HDDC3: variants seen among roughly 807,000 people sequenced by gnomAD.
HDDC3 encodes guanosine-3',5'-bis(diphosphate) 3'-pyrophosphohydrolase MESH1.
HDDC3 carries 18 observed loss-of-function variants against 19.1 expected under a neutral mutation model. The observed-to-expected ratio is 0.94, with a 90% CI of 0.65 to 1.40. The LOEUF is 1.40. HDDC3 is among the 40% of genes most tolerant of loss of function. The pLI is 0.00. For synonymous variants in HDDC3, 107 were observed against 99.4 expected (o/e 1.08, Z -0.46); for missense variants, 250 against 228.9 (o/e 1.09, Z -0.59).
In HDDC3 at chr15:90,930,154, TC is replaced by T. The variant is rs1442365202; in HGVS notation, c.*1120del. 6.6e-6 allele frequency: 1 copy of T among 151,910 alleles called. No individual in the cohort carries two copies. Among genetic ancestry groups the T allele is most frequent in the Non-Finnish European group, 1.5e-5 (1 of 67,968 alleles). 9.4% of individuals were successfully genotyped at this position (151,910 alleles called of 1,614,324 possible). ...CGGGGTCGGACAGCCCCGGGCCACT[TC>T]CGGGCCTTCCCGGAAGTCCCTGTCA... On this transcript the variant is annotated 3_prime_UTR_variant, in exon 4 of 4. Coordinates refer to ENST00000394272, the MANE Select transcript of HDDC3 (RefSeq NM_001286451.2).
At position 90,931,780 on chromosome 15, in the gene HDDC3, A is replaced by T. The variant is rs772475217; in HGVS notation, c.333T>A (p.Ser111Arg). The T allele has an allele frequency of 1.9e-6, 3 of 1,613,988 alleles. No individual in the cohort carries two copies. Among genetic ancestry groups the T allele is most frequent in the African/African-American group, 2.7e-5 (2 of 74,898 alleles). ...KRLQVEQAPH[S>R]SPGAKLVKLA... ...GCTTCACCAGTTTGGCCCCGGGGCT[A>T]CTGTGGGGCGCTTGCTCCACCTGCA... Residue 111 changes from serine to arginine, a missense_variant, in exon 3 of 4, where the codon AGT becomes AGA. By Grantham distance (110) the Ser-to-Arg change is moderately radical. Transcript: ENST00000394272.
In HDDC3 at chr15:90,931,220, C is replaced by A; in HGVS notation, c.*55G>T. The A allele has an allele frequency of 6.5e-7, 1 of 1,542,322 alleles. No homozygotes were observed. Among genetic ancestry groups the A allele is most frequent in the East Asian group, 2.5e-5 (1 of 40,780 alleles). On this transcript the variant is annotated 3_prime_UTR_variant, in exon 4 of 4. Transcript: ENST00000394272. ...GACACAGAAAAGATGGCGTATGAAT[C>A]CTGTCCGGCCTGAACGAGGCTGGAG... is the stretch of plus-strand genomic sequence containing the variant.
In HDDC3 at chr15:90,931,712, G is replaced by A. The variant is rs771591823; in HGVS notation, c.401C>T (p.Thr134Ile). The change falls in exon 3 of 4, where the codon ACC (threonine) becomes ATC (isoleucine). Residue 134 changes from threonine (T) to isoleucine (I), a missense_variant. Physicochemically the swap from Thr to Ile is moderately conservative, Grantham distance 89. Coordinates refer to ENST00000394272, the MANE Select transcript of HDDC3 (RefSeq NM_001286451.2). ...LYNLRDLNRCTPEGWSEHRVQ... is the reference protein window; with the variant it reads ...LYNLRDLNRCIPEGWSEHRVQ... ...CCCATACGAAAGCGTACCCTCTGGG[G>A]TGCAGCGATTCAGGTCCCTCAGATT... The A allele has an allele frequency of 1.2e-6, 2 of 1,614,084 alleles. No individual in the cohort carries two copies. The highest frequency in any genetic ancestry group is 1.3e-5 in the African/African-American group (1 of 75,002).
In HDDC3 at chr15:90,932,414, G is replaced by C; in HGVS notation, c.112+15C>G. 5 of 1,326,420 alleles carry C rather than the reference G, an allele frequency of 3.8e-6. No individual in the cohort carries two copies. In the South Asian group the frequency reaches 5.8e-5, roughly 15 times the overall value. 82.2% of individuals were successfully genotyped at this position (1,326,420 alleles called of 1,614,324 possible). A position where few individuals can be genotyped will look rare whatever the true frequency, so the allele number is the denominator to read the frequency against. ...CCAGGTGCCGCAGCCGGCGCTCCGC[G>C]GCCGACGCGCCCACCGATGGGGTGG... is the stretch of plus-strand genomic sequence containing the variant. On this transcript the variant is annotated intron_variant, in intron 1 of 3. Coordinates refer to ENST00000394272, the MANE Select transcript of HDDC3 (RefSeq NM_001286451.2).
intron 3 of HDDC3, 31 bp downstream of exon 3, chr15:90,931,673 C>CT: frequency 1.2e-6 from 2 of 1,613,970 alleles, no homozygotes; most frequent in Non-Finnish European, 1.7e-6. Flanking sequence ...ATCCCCCTCC[C>CT]TTTTCCCTTA....
rs1567143796 is a variant in HDDC3, at chr15:90,931,784, T to TG, written c.328dup (p.His110ProfsTer3). 3 of 1,614,124 alleles carry TG rather than the reference T, an allele frequency of 1.9e-6. No homozygotes were observed. The East Asian group carries it at 6.7e-5, about 36-fold the overall frequency. On this transcript the variant is annotated frameshift_variant, in exon 3 of 4. Transcript: ENST00000394272. LOFTEE classifies it high-confidence loss of function. ...CACCAGTTTGGCCCCGGGGCTACTG[T>TG]GGGGCGCTTGCTCCACCTGCAGCCT...
At chr15:90,932,222 A>T in intron 1 of HDDC3, 112 bp from the exon 2 acceptor site, 1 of 1,218,372 alleles carries the variant, frequency 8.2e-7, no homozygotes, top group Non-Finnish European at 1.1e-6. Context: ...TAGCTGGGTG[A>T]CCTTGGTCAA....
chr15:90,932,511 C>T lies in HDDC3; in HGVS notation c.30G>A (p.Glu10=), dbSNP rs572228555. The part of the protein sequence containing the change: MGSEAAQLL[E]AADFAARKHR... ...GCTTGCGAGCCGCGAAGTCGGCAGC[C>T]TCCAGCAGCTGCGCCGCCTCAGAGC... The change falls in exon 1 of 4, where the codon GAG becomes GAA. Residue 10 remains glutamate, a synonymous_variant. Transcript: ENST00000394272. 220 of 1,301,204 alleles carry T rather than the reference C, an allele frequency of 1.7e-4. No individual in the cohort carries two copies. In the African/African-American group the frequency reaches 2.7e-3, roughly 16 times the overall value. 80.6% of individuals were successfully genotyped at this position (1,301,204 alleles called of 1,614,324 possible).
upstream of HDDC3, chr15:90,932,562 T>C (rs2035842814): frequency 8.1e-7 from 1 of 1,232,174 alleles, no homozygotes; most frequent in Middle Eastern, 3.1e-4. Flanking sequence ...GGCCGACGAC[T>C]GCGGCCGCAG....
intron 2 of HDDC3, 31 bp downstream of exon 2, chr15:90,932,024 C>T (rs758569594): frequency 1.2e-6 from 2 of 1,613,888 alleles, no homozygotes; most frequent in African/African-American, 2.7e-5. Context: ...ATCCCCATCC[C>T]AGGCTCCTGG....
At position 90,930,055 on chromosome 15, in the gene HDDC3, C is replaced by T. The variant is rs1219143369; in HGVS notation, c.*1220G>A. The T allele has an allele frequency of 6.6e-6, 1 of 152,216 alleles. No individual in the cohort carries two copies. The highest frequency in any genetic ancestry group is 1.5e-5 in the Non-Finnish European group (1 of 68,050). 9.4% of individuals were successfully genotyped at this position (152,216 alleles called of 1,614,324 possible). ...AGCTGCTCAGCAACGACTGAAAAACCACCACCGGGCAATCCCTCCCCATGG... is the reference window on the plus strand; with the variant it reads ...AGCTGCTCAGCAACGACTGAAAAACTACCACCGGGCAATCCCTCCCCATGG... On this transcript the variant is annotated 3_prime_UTR_variant, in exon 4 of 4. Coordinates refer to ENST00000394272, the MANE Select transcript of HDDC3 (RefSeq NM_001286451.2).
chr15:90,931,584 C>T, intron 3 of HDDC3, 120 bp downstream of exon 3: 1 of 1,614,080 alleles, frequency 6.2e-7, no homozygotes. Flanking sequence ...AAAGAGTGGT[C>T]CAGTAGGATT....
intron 1 of HDDC3, 83 bp from the exon 2 acceptor site, chr15:90,932,193 G>A (rs1278393273): frequency 3.9e-5 from 55 of 1,413,180 alleles, no homozygotes; most frequent in Non-Finnish European, 5.2e-5. Flanking sequence ...GCCAGATGTG[G>A]CCCCTTGTGG....
At position 90,932,474 on chromosome 15, in the gene HDDC3, G is replaced by GAGAT; in HGVS notation, c.66_67insATCT (p.Arg23IlefsTer30). ...GGGGTCCCCTCGGGGTCCTTCCGCC[G>GAGAT]CTGCTGCCGGTGCTTGCGAGCCGCG... is the stretch of plus-strand genomic sequence containing the variant. On this transcript the variant is annotated frameshift_variant, in exon 1 of 4. Coordinates refer to ENST00000394272, the MANE Select transcript of HDDC3 (RefSeq NM_001286451.2). LOFTEE classifies it high-confidence loss of function. 1.5e-6 allele frequency: 2 copies of GAGAT among 1,323,224 alleles called. No individual in the cohort carries two copies. Among genetic ancestry groups the GAGAT allele is most frequent in the Non-Finnish European group, 9.6e-7 (1 of 1,037,386 alleles). 82.0% of individuals were successfully genotyped at this position (1,323,224 alleles called of 1,614,324 possible). A position where few individuals can be genotyped will look rare whatever the true frequency, so the allele number is the denominator to read the frequency against.
At chr15:90,932,133 G>A (rs1245731987) in intron 1 of HDDC3, 23 bp from the exon 2 acceptor site, 4 of 1,575,240 alleles carry the variant, frequency 2.5e-6, no homozygotes, top group Non-Finnish European at 3.5e-6. Flanking sequence ...GGCAAAGCAG[G>A]AAGTCAGGTC....
rs748441338 is a variant in HDDC3 at position 90,931,698 on chromosome 15, G to T, written c.409+6C>A. 47 of 1,613,918 alleles carry T rather than the reference G, an allele frequency of 2.9e-5. No homozygotes were observed. The highest frequency in any genetic ancestry group is 4.0e-5 in the Non-Finnish European group (47 of 1,179,978). On this transcript the variant is annotated splice_donor_region_variant and intron_variant, in intron 3 of 3. Transcript: ENST00000394272. The stretch of plus-strand genomic sequence containing the variant: ...CTTTTCCCTTACAGCCCATACGAAA[G>T]CGTACCCTCTGGGGTGCAGCGATTC...
chr15:90,931,262 C>T lies in HDDC3; in HGVS notation c.*13G>A. On this transcript the variant is annotated 3_prime_UTR_variant, in exon 4 of 4. Transcript: ENST00000394272. ...AGGCTGGAGTTGTGCCTCTGGATAG[C>T]TTCAAGCACTGATCAGATTGTCAGC... 1 of 1,550,738 alleles carries T rather than the reference C, an allele frequency of 6.4e-7. No homozygotes were observed. The highest frequency in any genetic ancestry group is 2.4e-5 in the East Asian group (1 of 40,926).
chr15:90,931,806 G>C lies in HDDC3; in HGVS notation c.307C>G (p.Leu103Val). Reference sequence around the variant, plus strand: ...CTGTGGGGCGCTTGCTCCACCTGCAGCCTCTTTCTCTCCAGCTTGGGCAGA... The same window carrying C: ...CTGTGGGGCGCTTGCTCCACCTGCACCCTCTTTCTCTCCAGCTTGGGCAGA... Reference protein sequence around the residue: ...KTLPKLERKRLQVEQAPHSSP... With the variant: ...KTLPKLERKRVQVEQAPHSSP... Residue 103 changes from leucine (L) to valine (V), a missense_variant, in exon 3 of 4, where the codon CTG becomes GTG. Transcript: ENST00000394272. 2 of 1,614,160 alleles carry C rather than the reference G, an allele frequency of 1.2e-6. No individual in the cohort carries two copies. The highest frequency in any genetic ancestry group is 1.7e-6 in the Non-Finnish European group (2 of 1,180,024).
chr15:90,932,395 G>A, intron 1 of HDDC3, 34 bp downstream of exon 1: 1 of 1,261,910 alleles, frequency 7.9e-7, no homozygotes, highest in African/African-American at 1.6e-5. Flanking sequence ...CCACCCAGGT[G>A]CCGCAGCCGG....
Sources: gnomAD v4.1 joint callset for allele counts on GRCh38, gnomAD v4.1.1 for gene constraint, MANE v1.5 for transcripts, NCBI Gene and HGNC (gene_info 2026-07-23, HGNC 2026-07-21) for gene names.